The following ZSCAN5A variants were observed in gnomAD, a reference collection of about 807,000 sequenced individuals.
The protein encoded by ZSCAN5A is zinc finger and SCAN domain-containing protein 5A.
Under a neutral mutation model 23.7 loss-of-function variants are expected in ZSCAN5A, and 12 were observed. That is an observed-to-expected ratio of 0.51 (90% CI 0.32 to 0.82). ZSCAN5A has a LOEUF of 0.82. Among genes scored for constraint, ZSCAN5A ranks in the 40% least tolerant of loss-of-function variants. The pLI, the probability that ZSCAN5A is intolerant of heterozygous loss-of-function variation, is 0.03. For synonymous variants in ZSCAN5A, 257 were observed against 239.9 expected (o/e 1.07, Z -0.66); for missense variants, 597 against 617.9 (o/e 0.97, Z 0.36).
At chr19:56,306,140 G>A (rs1206103029) in intron 2 of ZSCAN5A, among the ~76,000 whole-genome samples, 1 of 152,180 alleles carries the variant, frequency 6.6e-6, no homozygotes, top group Non-Finnish European at 1.5e-5. Context: ...CCAGTGACAT[G>A]AAGTGTAGAG....
chr19:56,321,135 G>T, intron 2 of ZSCAN5A: 1 of 664,990 alleles, frequency 1.5e-6, no homozygotes, highest in Non-Finnish European at 2.8e-6. Context: ...CTGCTAGGAT[G>T]TCGCCCCTCT....
At chr19:56,364,750 G>A (rs1204841410) in intron 1 of ZSCAN5A, among the ~76,000 whole-genome samples, 1 of 152,198 alleles carries the variant, frequency 6.6e-6, no homozygotes, top group South Asian at 2.1e-4. Context: ...AAGAACTGTT[G>A]ACGTATACCC....
At chr19:56,278,156 C>T (rs1303063313) in intron 2 of ZSCAN5A, among the ~76,000 whole-genome samples, 1 of 149,750 alleles carries the variant, frequency 6.7e-6, no homozygotes, top group African/African-American at 2.5e-5. Context: ...TAGTCTTGCT[C>T]TGTCGCCCAG....
At chr19:56,364,210 C>G (rs577183877) in intron 1 of ZSCAN5A, among the ~76,000 whole-genome samples, 3 of 152,176 alleles carry the variant, frequency 2.0e-5, no homozygotes, top group Admixed American at 6.5e-5. Context: ...GACAGAGAAC[C>G]TGAAGGGTGA....
At chr19:56,276,726 G>A (rs1331307668) in intron 2 of ZSCAN5A, among the ~76,000 whole-genome samples, 3 of 151,570 alleles carry the variant, frequency 2.0e-5, no homozygotes, top group African/African-American at 7.3e-5. Flanking sequence ...CAGTATAGAC[G>A]GGGTTTCACC....
At chr19:56,279,632 A>G (rs2038534074) in intron 2 of ZSCAN5A, among the ~76,000 whole-genome samples, 1 of 152,234 alleles carries the variant, frequency 6.6e-6, no homozygotes, top group Non-Finnish European at 1.5e-5. Context: ...TGAGAATCAC[A>G]TGGGAAACTT....
chr19:56,276,589 T>G (rs530587928), intron 2 of ZSCAN5A, among the ~76,000 whole-genome samples: 1 of 150,196 alleles, frequency 6.7e-6, no homozygotes, highest in Non-Finnish European at 1.5e-5. Context: ...CAGGCTGGAG[T>G]GTAGTGGTGC....
chr19:56,345,105 C>CAA (rs61541169), intron 2 of ZSCAN5A, among the ~76,000 whole-genome samples: 2,928 of 142,380 alleles, frequency 0.021, 108 homozygotes, highest in African/African-American at 0.07. Flanking sequence ...GACTACATCT[C>CAA]AAAAAAAAAA....
intron 2 of ZSCAN5A, among the ~76,000 whole-genome samples, chr19:56,249,165 A>G (rs1421827006): frequency 1.3e-5 from 2 of 152,212 alleles, no homozygotes; most frequent in Non-Finnish European, 1.5e-5. Context: ...TAGTGATAGT[A>G]CCACATCCTG....
At chr19:56,243,466 T>G (rs1371762809) in intron 2 of ZSCAN5A, among the ~76,000 whole-genome samples, 1 of 152,184 alleles carries the variant, frequency 6.6e-6, no homozygotes, top group Non-Finnish European at 1.5e-5. Flanking sequence ...AGCAAACAAA[T>G]GTCCTGGGGT....
At chr19:56,253,048 C>G (rs1286072895) in intron 2 of ZSCAN5A, among the ~76,000 whole-genome samples, 1 of 152,198 alleles carries the variant, frequency 6.6e-6, no homozygotes, top group East Asian at 1.9e-4. Context: ...AGGACAGCTC[C>G]GTGATTGCAG....
chr19:56,315,545 C>T (rs918451615), upstream of ZSCAN5A: 1 of 152,334 alleles, frequency 6.6e-6, no homozygotes, highest in South Asian at 2.1e-4. Context: ...TTCATAGCTG[C>T]CCACGGGAGG....
intron 2 of ZSCAN5A, among the ~76,000 whole-genome samples, chr19:56,333,405 G>A (rs962615530): frequency 2.7e-5 from 4 of 149,694 alleles, no homozygotes; most frequent in Non-Finnish European, 5.9e-5. Context: ...CTTCAATTCC[G>A]AAATTCGTTC....
chr19:56,231,996 C>CTTTTT (rs59525392), intron 2 of ZSCAN5A, among the ~76,000 whole-genome samples: 5 of 124,986 alleles, frequency 4.0e-5, no homozygotes, highest in African/African-American at 6.0e-5. Context: ...TTTTTCTTTT[C>CTTTTT]TTTTTTTTTG....
chr19:56,303,066 C>A (rs1568728048), intron 2 of ZSCAN5A: 1 of 394,652 alleles, frequency 2.5e-6, no homozygotes, highest in East Asian at 3.6e-5. Flanking sequence ...GAGGTGACAC[C>A]TCTGCTGTGG....
chr19:56,232,774 G>A (rs2034576823), intron 2 of ZSCAN5A, among the ~76,000 whole-genome samples: 1 of 152,008 alleles, frequency 6.6e-6, no homozygotes, highest in African/African-American at 2.4e-5. Context: ...CACCTCTCAG[G>A]CTCAAGCAAT....
chr19:56,233,228 T>C (rs2034610237), intron 2 of ZSCAN5A, among the ~76,000 whole-genome samples: 1 of 152,090 alleles, frequency 6.6e-6, no homozygotes, highest in Admixed American at 6.6e-5. Context: ...GCCTACAGGA[T>C]GGGGCCTGGC....
intron 2 of ZSCAN5A, among the ~76,000 whole-genome samples, chr19:56,278,101 A>ATT (rs34892463): frequency 0.012 from 1,761 of 144,882 alleles, 33 homozygotes; most frequent in African/African-American, 0.039. Context: ...ACAATGTGCT[A>ATT]TTTTTTTTTT....
chr19:56,236,838 C>T lies in ZSCAN5A; in HGVS notation c.-127-11665G>A, dbSNP rs570390108. ...CGGTGGGCCAAGCCTCCACTCCAAC[C>T]TCTGATTGACCGTGGGCCAAGCCTC... On this transcript the variant is annotated intron_variant, in intron 2 of 5. Coordinates refer to ENST00000683990, the MANE Select transcript of ZSCAN5A (RefSeq NM_001322064.3). Among the ~76,000 whole-genome samples, 351 of 150,154 alleles carry T rather than the reference C, an allele frequency of 2.3e-3. 2 individuals are homozygous for T. The highest frequency in any genetic ancestry group is 3.4e-3 in the Non-Finnish European group (232 of 67,498).
Sources: gnomAD v4.1 joint callset for allele counts (sites outside exome capture counted in the v4.1 genomes callset) on GRCh38, gnomAD v4.1.1 for gene constraint, MANE v1.5 for transcripts, NCBI Gene and HGNC (gene_info 2026-07-23, HGNC 2026-07-21) for gene names.